HMBOX1: variants seen among roughly 807,000 people sequenced by gnomAD.
HMBOX1 encodes homeobox-containing protein 1.
HMBOX1 carries 14 observed loss-of-function variants against 54.5 expected under a neutral mutation model. The ratio of observed to expected loss-of-function variants is 0.26; its 90% CI spans 0.17 to 0.40. HMBOX1 has a LOEUF of 0.40. Among genes scored for constraint, HMBOX1 ranks in the 10% least tolerant of loss-of-function variants. HMBOX1 has a pLI of 1.00. For synonymous variants in HMBOX1, 160 were observed against 181.0 expected (o/e 0.88, Z 0.93); for missense variants, 332 against 514.4 (o/e 0.65, Z 3.43).
At chr8:28,898,496 T>A (rs772504421) in intron 1 of HMBOX1, among the ~76,000 whole-genome samples, 1 of 152,226 alleles carries the variant, frequency 6.6e-6, no homozygotes, top group African/African-American at 2.4e-5. Flanking sequence ...TTCAGCTGTT[T>A]TGGGTTGAAG....
chr8:29,027,468 T>G (rs1203171446), intron 6 of HMBOX1, among the ~76,000 whole-genome samples: 1 of 152,228 alleles, frequency 6.6e-6, no homozygotes, highest in East Asian at 1.9e-4. Flanking sequence ...GGGCTACATA[T>G]TCCTTTATCT....
rs1829992100 is a variant in HMBOX1, at chr8:28,985,265, C to G, written c.586+5109C>G. On this transcript the variant is annotated intron_variant, in intron 4 of 9. Transcript: ENST00000287701. Reference sequence around the variant, plus strand: ...CCTGCTTTCTGACTTAAAGACCATGCCATTTCATTGTGTTCTCACGTAGTG... The same window carrying G: ...CCTGCTTTCTGACTTAAAGACCATGGCATTTCATTGTGTTCTCACGTAGTG... Among the ~76,000 whole-genome samples the G allele has an allele frequency of 1.3e-5, 2 of 152,258 alleles. 1 individual carries two copies. The highest frequency in any genetic ancestry group is 2.9e-5 in the Non-Finnish European group (2 of 68,024).
intron 1 of HMBOX1, among the ~76,000 whole-genome samples, chr8:28,916,637 T>C (rs1816607622): frequency 6.6e-6 from 1 of 152,232 alleles, no homozygotes; most frequent in Admixed American, 6.5e-5. Context: ...TGAGTCTGTT[T>C]CTGGACTTTC....
intron 1 of HMBOX1, among the ~76,000 whole-genome samples, chr8:28,950,978 T>G (rs940454521): frequency 1.3e-5 from 2 of 152,186 alleles, no homozygotes. Flanking sequence ...ATATGGCTTT[T>G]CTGATTACCT....
chr8:28,968,792 A>G (rs1250175189), intron 2 of HMBOX1, among the ~76,000 whole-genome samples: 2 of 152,228 alleles, frequency 1.3e-5, no homozygotes, highest in African/African-American at 2.4e-5. Flanking sequence ...CATGCCATGC[A>G]TTATATTTGG....
intron 1 of HMBOX1, among the ~76,000 whole-genome samples, chr8:28,952,279 G>A (rs7835011): frequency 0.015 from 2,348 of 152,004 alleles, 40 homozygotes; most frequent in African/African-American, 0.04. Flanking sequence ...TGTCACCCAC[G>A]CTGGAGTGCA....
intron 1 of HMBOX1, among the ~76,000 whole-genome samples, chr8:28,907,124 A>G (rs955803538): frequency 7.9e-5 from 12 of 152,226 alleles, no homozygotes; most frequent in African/African-American, 2.7e-4. Context: ...AATCGTCTAT[A>G]TAGGGTTCAT....
At chr8:28,903,742 T>C (rs1195647910) in intron 1 of HMBOX1, among the ~76,000 whole-genome samples, 2 of 152,236 alleles carry the variant, frequency 1.3e-5, no homozygotes, top group Admixed American at 1.3e-4. Flanking sequence ...AAAAACTTGG[T>C]TATAGTAAAA....
chr8:29,027,235 C>T (rs766547892), intron 6 of HMBOX1, among the ~76,000 whole-genome samples: 28 of 152,090 alleles, frequency 1.8e-4, no homozygotes, highest in Admixed American at 6.5e-5. Context: ...AATGCTCAAA[C>T]GTGATTCTGC....
chr8:28,910,491 T>G (rs1213445367), intron 1 of HMBOX1, among the ~76,000 whole-genome samples: 1 of 152,246 alleles, frequency 6.6e-6, no homozygotes, highest in Non-Finnish European at 1.5e-5. Flanking sequence ...CAAAACTATT[T>G]TACTGTTTCA....
intron 6 of HMBOX1, among the ~76,000 whole-genome samples, chr8:29,039,263 A>C (rs762675757): frequency 2.0e-5 from 3 of 152,224 alleles, no homozygotes; most frequent in Non-Finnish European, 2.9e-5. Context: ...CAACATTATT[A>C]GGTGATTAAA....
At position 29,000,601 on chromosome 8, in the gene HMBOX1, A is replaced by G. The variant is rs893911357; in HGVS notation, c.587-8471A>G. 5.3e-5 allele frequency among the ~76,000 whole-genome samples: 8 copies of G among 152,250 alleles called. 1 individual carries two copies. Among genetic ancestry groups the G allele is most frequent in the Non-Finnish European group, 4.4e-5 (3 of 68,048 alleles). ...TACCTCACATCTGTCTTTCCTCCTC[A>G]GAGAGAAGCTATTCACACTGAGTGA... is the stretch of plus-strand genomic sequence containing the variant. On this transcript the variant is annotated intron_variant, in intron 4 of 9. Transcript: ENST00000287701.
intron 1 of HMBOX1, among the ~76,000 whole-genome samples, chr8:28,931,300 A>G (rs562695070): frequency 3.3e-5 from 5 of 152,322 alleles, no homozygotes; most frequent in African/African-American, 1.2e-4. Context: ...GTTATAGTCT[A>G]AACTTTGTCC....
At chr8:29,019,537 C>T (rs1352402928) in intron 6 of HMBOX1, among the ~76,000 whole-genome samples, 1 of 152,044 alleles carries the variant, frequency 6.6e-6, no homozygotes, top group Non-Finnish European at 1.5e-5. Context: ...TCTTTTTAGT[C>T]ATCTACTTGT....
Position 28,929,585 on chromosome 8 carries a change from T to C in HMBOX1, c.-57-34226T>C, listed in dbSNP as rs568535012. 5.3e-5 allele frequency among the ~76,000 whole-genome samples: 8 copies of C among 152,340 alleles called. No homozygotes were observed. The South Asian group carries it at 1.5e-3, about 28-fold the overall frequency. On this transcript the variant is annotated intron_variant, in intron 1 of 9. Transcript: ENST00000287701. ...TCAAGGTCTGGCTTTTACAGTGTTCTTGGAGGTTATTTCTCTTTATTGAAC... is the reference window on the plus strand; with the variant it reads ...TCAAGGTCTGGCTTTTACAGTGTTCCTGGAGGTTATTTCTCTTTATTGAAC...
chr8:28,925,092 C>A (rs963445191), intron 1 of HMBOX1, among the ~76,000 whole-genome samples: 1 of 151,324 alleles, frequency 6.6e-6, no homozygotes, highest in Non-Finnish European at 1.5e-5. Context: ...TCAGTCATAA[C>A]CTAAGAATGA....
chr8:29,029,155 T>A (rs1802524400), intron 6 of HMBOX1, among the ~76,000 whole-genome samples: 3 of 152,242 alleles, frequency 2.0e-5, no homozygotes, highest in Admixed American at 2.0e-4. Flanking sequence ...AAAATAATCA[T>A]GTTTTTCTTC....
chr8:28,915,958 GTTC>G (rs1361042305), intron 1 of HMBOX1: 3 of 152,022 alleles, frequency 2.0e-5, no homozygotes, highest in Non-Finnish European at 4.4e-5. Flanking sequence ...GATATTTTAC[GTTC>G]TTAAGTCTTC....
At chr8:29,027,561 G>T (rs190844086) in intron 6 of HMBOX1, among the ~76,000 whole-genome samples, 7 of 152,280 alleles carry the variant, frequency 4.6e-5, no homozygotes, top group Admixed American at 1.3e-4. Flanking sequence ...ACCTATTCTA[G>T]TCTCAAGGGA....
Sources: gnomAD v4.1 joint callset for allele counts (sites outside exome capture counted in the v4.1 genomes callset) on GRCh38, gnomAD v4.1.1 for gene constraint, MANE v1.5 for transcripts, NCBI Gene and HGNC (gene_info 2026-07-23, HGNC 2026-07-21) for gene names.